NCOA1: variants seen among roughly 807,000 people sequenced by gnomAD.
The protein encoded by NCOA1 is Hin-2 protein.
Under a neutral mutation model 150.9 loss-of-function variants are expected in NCOA1, and 35 were observed. The ratio of observed to expected loss-of-function variants is 0.23; its 90% CI spans 0.18 to 0.31. The LOEUF (loss-of-function observed/expected upper bound fraction) is 0.31, where lower values mean the gene tolerates loss of function less well. NCOA1 is among the 10% of genes least tolerant of loss of function. The pLI is 1.00. For missense variants in NCOA1, 1,491 were observed against 1,749.3 expected (o/e 0.85, Z 2.63); for synonymous variants, 590 against 630.0 (o/e 0.94, Z 0.95).
At chr2:24,686,238 G>A (rs376105801) in intron 8 of NCOA1, among the ~76,000 whole-genome samples, 98 of 152,070 alleles carry the variant, frequency 6.4e-4, no homozygotes, top group African/African-American at 2.3e-3. Flanking sequence ...CCTGATCTCA[G>A]GTGATCTGCC....
At chr2:24,586,911 G>A (rs1188445869) in intron 3 of NCOA1, among the ~76,000 whole-genome samples, 1 of 151,988 alleles carries the variant, frequency 6.6e-6, no homozygotes, top group Non-Finnish European at 1.5e-5. Flanking sequence ...TAGAGTCTTA[G>A]TGTCACCCTC....
intron 1 of NCOA1, among the ~76,000 whole-genome samples, chr2:24,562,533 C>T (rs1666330012): frequency 1.3e-5 from 2 of 152,088 alleles, no homozygotes; most frequent in Non-Finnish European, 2.9e-5. Flanking sequence ...CCTAGTAGGG[C>T]TGGAAGAGGT....
chr2:24,637,528 C>T (rs1669993455), intron 3 of NCOA1, among the ~76,000 whole-genome samples: 1 of 151,776 alleles, frequency 6.6e-6, no homozygotes, highest in Non-Finnish European at 1.5e-5. Context: ...ATGATGAGTT[C>T]ATGTCCTTTG....
intron 1 of NCOA1, among the ~76,000 whole-genome samples, chr2:24,495,100 T>G (rs1323633622): frequency 2.1e-5 from 3 of 141,170 alleles, no homozygotes; most frequent in South Asian, 4.4e-4. Flanking sequence ...GTGTTTTTTT[T>G]TTGTTTTTTT....
chr2:24,512,120 G>T (rs139135957), intron 1 of NCOA1, among the ~76,000 whole-genome samples: 148 of 152,276 alleles, frequency 9.7e-4, no homozygotes, highest in Non-Finnish European at 1.8e-3. Flanking sequence ...GATGTTTATT[G>T]ATTATGCAGT....
Position 24,662,171 on chromosome 2 carries a change from G to A in NCOA1, c.89+3405G>A, listed in dbSNP as rs546032386. 2.0e-5 allele frequency among the ~76,000 whole-genome samples: 3 copies of A among 152,288 alleles called. No individual in the cohort carries two copies. The South Asian group carries it at 6.2e-4, about 32-fold the overall frequency. On this transcript the variant is annotated intron_variant, in intron 5 of 22. Transcript: ENST00000348332. The stretch of plus-strand genomic sequence containing the variant: ...GAATTGAATTCTTTAATCATAAAGA[G>A]CATCTGTTAGACATCAGGGTATTGC...
At chr2:24,522,278 C>T (rs1048394747) in intron 1 of NCOA1, among the ~76,000 whole-genome samples, 1 of 152,126 alleles carries the variant, frequency 6.6e-6, no homozygotes, top group Non-Finnish European at 1.5e-5. Flanking sequence ...TAACACTACA[C>T]CACTTCATCT....
At chr2:24,541,835 T>C (rs564546181) in intron 1 of NCOA1, among the ~76,000 whole-genome samples, 1 of 152,338 alleles carries the variant, frequency 6.6e-6, no homozygotes, top group South Asian at 2.1e-4. Flanking sequence ...TGAGTTTTCA[T>C]AGCAGATGGC....
intron 12 of NCOA1, among the ~76,000 whole-genome samples, chr2:24,705,643 T>C (rs2148591387): frequency 6.6e-6 from 1 of 152,322 alleles, no homozygotes; most frequent in Non-Finnish European, 1.5e-5. Flanking sequence ...TCACAGAAAT[T>C]ACAAATCATT....
chr2:24,605,420 G>A (rs916353886), intron 3 of NCOA1, among the ~76,000 whole-genome samples: 1 of 152,126 alleles, frequency 6.6e-6, no homozygotes, highest in African/African-American at 2.4e-5. Flanking sequence ...ATTTATTTAT[G>A]TTGCTCTGTA....
chr2:24,551,470 T>G (rs967926396), intron 1 of NCOA1, among the ~76,000 whole-genome samples: 17 of 152,174 alleles, frequency 1.1e-4, no homozygotes, highest in African/African-American at 4.1e-4. Context: ...TAATAAAGTG[T>G]TATTTTTTTT....
intron 7 of NCOA1, among the ~76,000 whole-genome samples, chr2:24,675,294 A>G (rs1671855167): frequency 6.6e-6 from 1 of 152,248 alleles, no homozygotes; most frequent in African/African-American, 2.4e-5. Context: ...TGCTATTTGG[A>G]TATCATAGAA....
Position 24,699,201 on chromosome 2 carries a change from A to G in NCOA1, c.949+1403A>G, listed in dbSNP as rs567240033. Among the ~76,000 whole-genome samples the G allele has an allele frequency of 2.0e-5, 3 of 152,304 alleles. No homozygotes were observed. In the South Asian group the frequency reaches 6.2e-4, roughly 32 times the overall value. ...AGCACTGTTTCGACTCATTGCCTGA[A>G]GTTCTCGAGTTTATGGTACTTTTGA... On this transcript the variant is annotated intron_variant, in intron 11 of 22. Coordinates refer to ENST00000348332, the MANE Select transcript of NCOA1 (RefSeq NM_003743.5).
intron 1 of NCOA1, among the ~76,000 whole-genome samples, chr2:24,535,331 A>C (rs537181541): frequency 9.9e-5 from 15 of 151,142 alleles, no homozygotes; most frequent in Non-Finnish European, 1.5e-4. Context: ...CTTTATTTTG[A>C]GCCTATGTGT....
Position 24,683,091 on chromosome 2 carries a change from T to C in NCOA1, c.495T>C (p.His165=), listed in dbSNP as rs749966534. The C allele has an allele frequency of 1.3e-6, 2 of 1,579,092 alleles. No homozygotes were observed. Among genetic ancestry groups the C allele is most frequent in the Non-Finnish European group, 1.7e-6 (2 of 1,168,536 alleles). The change falls in exon 8 of 23, where the codon CAT becomes CAC. Residue 165 remains histidine, a synonymous_variant. Transcript: ENST00000348332. ...ACAGCATACTGCACGTGGGGGATCA[T>C]GCAGAATTTGTGAAGAATCTGCTAC... ...SVYSILHVGD[H]AEFVKNLLPK...
intron 20 of NCOA1, among the ~76,000 whole-genome samples, chr2:24,752,937 T>C (rs573744284): frequency 5.9e-5 from 9 of 152,288 alleles, no homozygotes; most frequent in African/African-American, 2.2e-4. Flanking sequence ...CTTTGAGTTT[T>C]ATAAGGATTT....
intron 1 of NCOA1, among the ~76,000 whole-genome samples, chr2:24,549,835 G>T (rs1012058315): frequency 2.0e-5 from 3 of 152,212 alleles, no homozygotes; most frequent in Non-Finnish European, 2.9e-5. Context: ...CTCCCAGAGT[G>T]CTGGGATTAC....
chr2:24,672,682 G>T (rs1306403124), intron 6 of NCOA1, among the ~76,000 whole-genome samples: 1 of 152,144 alleles, frequency 6.6e-6, no homozygotes, highest in Non-Finnish European at 1.5e-5. Context: ...CAGGCTTGGG[G>T]CACTGCACCC....
intron 1 of NCOA1, among the ~76,000 whole-genome samples, chr2:24,531,188 A>G (rs190862029): frequency 6.6e-4 from 101 of 152,332 alleles, no homozygotes; most frequent in Non-Finnish European, 1.2e-3. Flanking sequence ...GGAGGTTCCT[A>G]AAGAAATTAA....
Sources: gnomAD v4.1 joint callset for allele counts (sites outside exome capture counted in the v4.1 genomes callset) on GRCh38, gnomAD v4.1.1 for gene constraint, MANE v1.5 for transcripts, NCBI Gene and HGNC (gene_info 2026-07-23, HGNC 2026-07-21) for gene names.